The following TAMALIN variants were observed in gnomAD, a reference collection of about 807,000 sequenced individuals.
TAMALIN encodes the protein trafficking regulator and scaffold protein tamalin.
Under a neutral mutation model 38.5 loss-of-function variants are expected in TAMALIN, and 9 were observed. The observed-to-expected ratio is 0.23, with a 90% CI of 0.14 to 0.41. The LOEUF (loss-of-function observed/expected upper bound fraction) is 0.41, where lower values mean the gene tolerates loss of function less well. TAMALIN is among the 10% of genes least tolerant of loss of function. The pLI is 1.00. For synonymous variants in TAMALIN, 306 were observed against 256.5 expected (o/e 1.19, Z -1.85); for missense variants, 548 against 554.1 (o/e 0.99, Z 0.11).
Position 52,010,947 on chromosome 12 carries a change from T to C in TAMALIN, c.351+12T>C. The stretch of plus-strand genomic sequence containing the variant: ...GCTTTGAGATCCAGGTGGGAGAAGC[T>C]GCACACAGGGGTCAGGGGGGTTGGA... On this transcript the variant is annotated intron_variant, in intron 3 of 7. Transcript: ENST00000293662. 6.2e-7 allele frequency: 1 copy of C among 1,614,180 alleles called. No homozygotes were observed. The highest frequency in any genetic ancestry group is 1.1e-5 in the South Asian group (1 of 91,058).
Position 52,015,141 on chromosome 12 carries a change from T to A in TAMALIN, c.1130T>A (p.Leu377Gln). 1 of 1,593,892 alleles carries A rather than the reference T, an allele frequency of 6.3e-7. No homozygotes were observed. The highest frequency in any genetic ancestry group is 8.5e-7 in the Non-Finnish European group (1 of 1,178,154). ...KTKYRSFRRR[L>Q]LKFIPGLNRS... ...AAGTACCGCAGCTTCCGCCGGCGGCTGCTCAAGTTCATCCCCGGACTCAAC... is the reference window on the plus strand; with the variant it reads ...AAGTACCGCAGCTTCCGCCGGCGGCAGCTCAAGTTCATCCCCGGACTCAAC... The change falls in exon 8 of 8, where the codon CTG (leucine) becomes CAG (glutamine). Residue 377 changes from leucine to glutamine, a missense_variant. Physicochemically the swap from Leu to Gln is moderately radical, Grantham distance 113 (BLOSUM62 -2). This residue lies in a region of TAMALIN where 415 missense variants were observed against 417.0 expected (regional missense o/e 1.00). Coordinates refer to ENST00000293662, the MANE Select transcript of TAMALIN (RefSeq NM_181711.4).
chr12:52,010,667 C>T (rs1430659677), intron 2 of TAMALIN: 9 of 960,492 alleles, frequency 9.4e-6, no homozygotes, highest in African/African-American at 3.3e-5. Flanking sequence ...CCTCCCACCA[C>T]TAGAGGCTGG....
At position 52,011,274 on chromosome 12, in the gene TAMALIN, T is replaced by C. The variant is rs1937639576; in HGVS notation, c.454+133T>C. ...TCTTTGAGAAGGCCAGAAAGAAGAA[T>C]GGATAGAATCTGGGCTTTGGATCTA... On this transcript the variant is annotated intron_variant, in intron 4 of 7. Transcript: ENST00000293662. The surrounding 1 kb of genome is among the most constrained non-coding windows in gnomAD (Gnocchi z 5.3). 6.7e-7 allele frequency: 1 copy of C among 1,502,638 alleles called. No individual in the cohort carries two copies. The allele number at this position is 1,502,638 out of a possible 1,614,324, so 93.1% of individuals were successfully genotyped here.
chr12:52,015,012 T>C lies in TAMALIN; in HGVS notation c.1001T>C (p.Val334Ala), dbSNP rs1937767131. 2.7e-6 allele frequency: 3 copies of C among 1,116,496 alleles called. No individual in the cohort carries two copies. The highest frequency in any genetic ancestry group is 1.7e-5 in the African/African-American group (1 of 58,980). 69.2% of individuals were successfully genotyped at this position (1,116,496 alleles called of 1,614,324 possible). Residue 334 changes from valine to alanine, a missense_variant, in exon 8 of 8, where the codon GTG becomes GCG. By Grantham distance (64) the Val-to-Ala change is moderately conservative. Around this residue, in one of 3 missense-constraint regions of TAMALIN, gnomAD observed 415 missense variants for 417.0 expected, o/e 1.00. Transcript: ENST00000293662. ...GCCGCGCTGAGCCGCAGCGCCAGTG[T>C]GCGGTGCGCGGGCCCTGGCGGGGGC... Reference protein sequence around the residue: ...PRAALSRSASVRCAGPGGGGG... With the variant: ...PRAALSRSASARCAGPGGGGG...
chr12:52,011,325 T>A lies in TAMALIN; in HGVS notation c.454+184T>A. On this transcript the variant is annotated intron_variant, in intron 4 of 7. Transcript: ENST00000293662. This position sits in a 1 kb window ranked among gnomAD's most constrained non-coding sequence, Gnocchi z 5.3. ...GGCAAATTTGCCATGTACTGTGTGA[T>A]CTTGCACAGCCCCATCTACAAAATG... is the stretch of plus-strand genomic sequence containing the variant. The A allele has an allele frequency of 1.1e-6, 1 of 944,392 alleles. No homozygotes were observed. Among genetic ancestry groups the A allele is most frequent in the Non-Finnish European group, 1.6e-6 (1 of 619,802 alleles). The allele number at this position is 944,392 out of a possible 1,614,324, so 58.5% of individuals were successfully genotyped here.
Position 52,015,040 on chromosome 12 carries a change from A to G in TAMALIN, c.1029A>G (p.Gly343=). 3 of 1,338,852 alleles carry G rather than the reference A, an allele frequency of 2.2e-6. No homozygotes were observed. The highest frequency in any genetic ancestry group is 1.7e-5 in the South Asian group (1 of 60,226). 82.9% of individuals were successfully genotyped at this position (1,338,852 alleles called of 1,614,324 possible). A position where few individuals can be genotyped will look rare whatever the true frequency, so the allele number is the denominator to read the frequency against. ...GGTGCGCGGGCCCTGGCGGGGGCGG[A>G]GGCGGGGGCGCGCCGGGCGCGCTCT... The part of the protein sequence containing the change: ...SVRCAGPGGG[G]GGGAPGALWT... The change falls in exon 8 of 8, where the codon GGA becomes GGG. Residue 343 remains glycine, a synonymous_variant. Transcript: ENST00000293662.
At chr12:52,008,918 C>T (rs1270972789) in intron 1 of TAMALIN, among the ~76,000 whole-genome samples, 2 of 152,238 alleles carry the variant, frequency 1.3e-5, no homozygotes, top group African/African-American at 4.8e-5. Flanking sequence ...GTGTGGAAAC[C>T]AGCAAGGGCT....
intron 2 of TAMALIN, chr12:52,010,639 G>T (rs369700210): frequency 9.1e-7 from 1 of 1,097,708 alleles, no homozygotes; most frequent in Non-Finnish European, 1.2e-6. Flanking sequence ...TCAGGGGACC[G>T]GCCCTTCTCT....
At chr12:52,008,123 G>T in intron 1 of TAMALIN, 5 of 985,420 alleles carry the variant, frequency 5.1e-6, no homozygotes, top group Non-Finnish European at 6.0e-6. Flanking sequence ...AGACAAAGGG[G>T]TCTCTCTGTG....
intron 7 of TAMALIN, 109 bp downstream of exon 7, chr12:52,014,310 C>T: frequency 1.1e-6 from 1 of 913,722 alleles, no homozygotes; most frequent in Non-Finnish European, 1.8e-6. Flanking sequence ...TACTAGTAAA[C>T]CTCCACAGTA....
chr12:52,009,930 G>T (rs1942473789), intron 2 of TAMALIN, among the ~76,000 whole-genome samples: 1 of 152,212 alleles, frequency 6.6e-6, no homozygotes, highest in African/African-American at 2.4e-5. Flanking sequence ...ATATGACAGA[G>T]ATCATAAGGG....
chr12:52,009,780 C>T (rs139050931), intron 2 of TAMALIN, among the ~76,000 whole-genome samples: 6 of 152,222 alleles, frequency 3.9e-5, no homozygotes, highest in African/African-American at 1.4e-4. Context: ...AGTTTCCCTT[C>T]TCTACTCATG....
intron 7 of TAMALIN, 126 bp downstream of exon 7, chr12:52,014,327 G>A (rs1303974281): frequency 2.5e-6 from 2 of 809,412 alleles, no homozygotes; most frequent in Non-Finnish European, 4.2e-6. Context: ...AGTAAAGCAA[G>A]GTTTGTTGAG....
In TAMALIN at chr12:52,015,439, C is replaced by T. The variant is rs529333442; in HGVS notation, c.*240C>T. ...TGGGGCAGGGGGAGAGCCAGGCAAT[C>T]GGGGGCCAAAGATGGGGGTGCTCGC... On this transcript the variant is annotated 3_prime_UTR_variant, in exon 8 of 8. Transcript: ENST00000293662. 8.4e-6 allele frequency: 4 copies of T among 478,106 alleles called. No individual in the cohort carries two copies. The Admixed American group carries it at 1.2e-4, about 14-fold the overall frequency. 29.6% of individuals were successfully genotyped at this position (478,106 alleles called of 1,614,324 possible). A position where few individuals can be genotyped will look rare whatever the true frequency, so the allele number is the denominator to read the frequency against.
rs1341638076 is a variant in TAMALIN, at chr12:52,007,242, G to T, written c.223G>T (p.Gly75Trp). ...GCTGTACCGCGCGCTCGCCGTGTCC[G>T]GGGGCACCCTGCCCCGCCGAAAGGT... Reference protein sequence around the residue: ...AELYRALAVSGGTLPRRKGSG... With the variant: ...AELYRALAVSWGTLPRRKGSG... Residue 75 changes from glycine to tryptophan, a missense_variant, in exon 1 of 8, where the codon GGG (glycine) becomes TGG (tryptophan). Physicochemically the swap from Gly to Trp is radical, Grantham distance 184 (BLOSUM62 -2). This residue lies in a region of TAMALIN where 128 missense variants were observed against 117.9 expected (regional missense o/e 1.09). Coordinates refer to ENST00000293662, the MANE Select transcript of TAMALIN (RefSeq NM_181711.4). This position sits in a 1 kb window ranked among gnomAD's most constrained non-coding sequence, Gnocchi z 6.7. The T allele has an allele frequency of 7.1e-7, 1 of 1,416,542 alleles. No individual in the cohort carries two copies. The highest frequency in any genetic ancestry group is 9.2e-7 in the Non-Finnish European group (1 of 1,089,274). The allele number at this position is 1,416,542 out of a possible 1,614,324, so 87.7% of individuals were successfully genotyped here. A position where few individuals can be genotyped will look rare whatever the true frequency, so the allele number is the denominator to read the frequency against.
rs1175612910 is a variant in TAMALIN at position 52,007,568 on chromosome 12, G to A, written c.246+303G>A. ...CTCCATCTGGCTTTCTGCCCCCCAT[G>A]CCCCGCCTCCCCGTGGCCAGGTGTC... On this transcript the variant is annotated intron_variant, in intron 1 of 7. Coordinates refer to ENST00000293662, the MANE Select transcript of TAMALIN (RefSeq NM_181711.4). The surrounding 1 kb of genome is among the most constrained non-coding windows in gnomAD (Gnocchi z 6.7). 1.0e-6 allele frequency: 1 copy of A among 983,466 alleles called. No homozygotes were observed. Among genetic ancestry groups the A allele is most frequent in the African/African-American group, 1.8e-5 (1 of 57,010 alleles). 60.9% of individuals were successfully genotyped at this position (983,466 alleles called of 1,614,324 possible).
In TAMALIN at chr12:52,015,087, C is replaced by A. The variant is rs749143964; in HGVS notation, c.1076C>A (p.Ala359Asp). Residue 359 changes from alanine to aspartate, a missense_variant, in exon 8 of 8, where the codon GCC becomes GAC. Transcript: ENST00000293662. ...CTCTGGACTGAGGCTCGCGAGCAGG[C>A]CCTATGCGGCCCCGGCCTGCGCAAA... is the stretch of plus-strand genomic sequence containing the variant. ...GALWTEAREQ[A>D]LCGPGLRKTK... 290 of 1,539,346 alleles carry A rather than the reference C, an allele frequency of 1.9e-4. No individual in the cohort carries two copies. Among genetic ancestry groups the A allele is most frequent in the Non-Finnish European group, 2.5e-4 (282 of 1,150,964 alleles).
chr12:52,008,345 A>G (rs961451819), intron 1 of TAMALIN: 1 of 985,218 alleles, frequency 1.0e-6, no homozygotes, highest in African/African-American at 1.7e-5. Context: ...GGAGGGTGAG[A>G]GACTACTTTA....
chr12:52,013,285 G>T (rs541693925), intron 4 of TAMALIN, among the ~76,000 whole-genome samples: 19 of 151,328 alleles, frequency 1.3e-4, no homozygotes, highest in African/African-American at 3.9e-4. Context: ...CACCGTGTTA[G>T]CCAGGATGGT....
Sources: allele counts gnomAD v4.1 joint callset (sites outside exome capture counted in the v4.1 genomes callset), GRCh38; gene constraint gnomAD v4.1.1; regional missense constraint gnomAD v4.1.1; non-coding constraint Gnocchi (gnomAD v3.1); transcripts MANE v1.5; gene names NCBI Gene and HGNC (gene_info 2026-07-23, HGNC 2026-07-21).